Variants in RBM20 observed in about 807,000 individuals in gnomAD.
RBM20 encodes RNA-binding protein 20.
Under a neutral mutation model 110.1 loss-of-function variants are expected in RBM20, and 51 were observed. The ratio of observed to expected loss-of-function variants is 0.46; its 90% CI spans 0.37 to 0.59. The LOEUF is 0.59. RBM20 is among the 20% of genes least tolerant of loss of function. The pLI is 0.00. For missense variants in RBM20, 1,512 were observed against 1,574.9 expected (o/e 0.96, Z 0.68); for synonymous variants, 589 against 618.2 (o/e 0.95, Z 0.70).
At position 110,812,367 on chromosome 10, in the gene RBM20, C is replaced by G. The variant is rs922116966; in HGVS notation, c.1970C>G (p.Ser657Cys). ...ACTCCCAGCTTCACCTCCTGCAGCTCTTCCCACAGCCCTCCGGGCCCCTCC... is the reference window on the plus strand; with the variant it reads ...ACTCCCAGCTTCACCTCCTGCAGCTGTTCCCACAGCCCTCCGGGCCCCTCC... ...SHTPSFTSCS[S>C]SHSPPGPSRA... The change falls in exon 9 of 14, where the codon TCT becomes TGT. Residue 657 changes from serine (S) to cysteine (C), a missense_variant. Ser to Cys is a moderately radical substitution (Grantham distance 112). Around this residue, in one of 3 missense-constraint regions of RBM20, gnomAD observed 1,149 missense variants for 1,169.4 expected, o/e 0.98. Transcript: ENST00000369519. 24 of 1,551,574 alleles carry G rather than the reference C, an allele frequency of 1.5e-5. No individual in the cohort carries two copies. The highest frequency in any genetic ancestry group is 2.1e-5 in the Non-Finnish European group (24 of 1,147,020).
At chr10:110,786,071 C>T (rs770161875) in intron 5 of RBM20, among the ~76,000 whole-genome samples, 7 of 152,216 alleles carry the variant, frequency 4.6e-5, no homozygotes, top group South Asian at 2.1e-4. Flanking sequence ...TTTTCACCAA[C>T]GGTGACAGCT....
In RBM20 at chr10:110,838,283, GTAATTT is replaced by G. The variant is rs773051537; in HGVS notation, c.*2308_*2313del. On this transcript the variant is annotated 3_prime_UTR_variant, in exon 14 of 14. Transcript: ENST00000369519. ...CTAAGATCTTCAAAGTAAATTTGTTGTAATTTTATCTTTTGAGAAGACCATATGGGG... is the reference window on the plus strand; with the variant it reads ...CTAAGATCTTCAAAGTAAATTTGTTGTATCTTTTGAGAAGACCATATGGGG... 6.6e-6 allele frequency: 1 copy of G among 152,180 alleles called. No homozygotes were observed. The highest frequency in any genetic ancestry group is 1.5e-5 in the Non-Finnish European group (1 of 68,020). 9.4% of individuals were successfully genotyped at this position (152,180 alleles called of 1,614,324 possible).
At chr10:110,815,741 T>G (rs1407229254) in intron 9 of RBM20, among the ~76,000 whole-genome samples, 1 of 152,212 alleles carries the variant, frequency 6.6e-6, no homozygotes, top group East Asian at 1.9e-4. Context: ...ATAACATTGC[T>G]CATTTAAGGT....
intron 1 of RBM20, among the ~76,000 whole-genome samples, chr10:110,645,116 T>G (rs1861850342): frequency 6.6e-6 from 1 of 152,178 alleles, no homozygotes; most frequent in Admixed American, 6.5e-5. Flanking sequence ...GTAAACAACA[T>G]GTTTTACTTT....
In RBM20 at chr10:110,739,747, A is replaced by T. The variant is rs1843706401; in HGVS notation, c.192-41054A>T. On this transcript the variant is annotated intron_variant, in intron 1 of 13. Transcript: ENST00000369519. The surrounding 1 kb of genome is among the most constrained non-coding windows in gnomAD (Gnocchi z 4.1). The stretch of plus-strand genomic sequence containing the variant: ...ATGGGTATTAATAGTTCCCACCTGC[A>T]GGACTGAACTGTGGAAATGCACTGA... Among the ~76,000 whole-genome samples the T allele has an allele frequency of 6.6e-6, 1 of 152,216 alleles. No individual in the cohort carries two copies.
chr10:110,741,813 A>AC (rs546645957), intron 1 of RBM20, among the ~76,000 whole-genome samples: 39 of 149,096 alleles, frequency 2.6e-4, no homozygotes, highest in East Asian at 2.2e-3. Flanking sequence ...AGAGTACATG[A>AC]CCCCCCTCCC....
chr10:110,718,432 G>C (rs891633688), intron 1 of RBM20, among the ~76,000 whole-genome samples: 2 of 151,930 alleles, frequency 1.3e-5, no homozygotes, highest in Non-Finnish European at 2.9e-5. Context: ...AGCTGTTTGG[G>C]GTATAAACTT....
intron 1 of RBM20, among the ~76,000 whole-genome samples, chr10:110,756,990 A>G (rs1843930080): frequency 6.6e-6 from 1 of 152,216 alleles, no homozygotes; most frequent in Admixed American, 6.5e-5. Flanking sequence ...CTTTCAGGGA[A>G]AAACAACTTA....
intron 1 of RBM20, among the ~76,000 whole-genome samples, chr10:110,694,856 A>T (rs1209673825): frequency 1.3e-5 from 2 of 152,184 alleles, no homozygotes; most frequent in Non-Finnish European, 2.9e-5. Context: ...TGTTGAATTC[A>T]AAATTCAACA....
chr10:110,644,374 C>A lies in RBM20; in HGVS notation c.-81C>A, dbSNP rs1861834269. Reference sequence around the variant, plus strand: ...GGACAAGGGGACTGGGCACGGGGACCCCGGCCAGTGAGCGCCCGTGGCCCG... The same window carrying A: ...GGACAAGGGGACTGGGCACGGGGACACCGGCCAGTGAGCGCCCGTGGCCCG... On this transcript the variant is annotated 5_prime_UTR_variant, in exon 1 of 14. Transcript: ENST00000369519. The surrounding 1 kb of genome is among the most constrained non-coding windows in gnomAD (Gnocchi z 4.3). The A allele has an allele frequency of 4.2e-6, 5 of 1,203,228 alleles. No homozygotes were observed. Among genetic ancestry groups the A allele is most frequent in the African/African-American group, 1.6e-5 (1 of 62,386 alleles). The allele number at this position is 1,203,228 out of a possible 1,614,324, so 74.5% of individuals were successfully genotyped here. A position where few individuals can be genotyped will look rare whatever the true frequency, so the allele number is the denominator to read the frequency against.
At chr10:110,818,864 G>A (rs1844874972) in intron 9 of RBM20, among the ~76,000 whole-genome samples, 1 of 152,184 alleles carries the variant, frequency 6.6e-6, no homozygotes, top group East Asian at 1.9e-4. Context: ...TAGCTAAAAA[G>A]GTATTTGTAG....
In RBM20 at chr10:110,781,721, G is replaced by T. The variant is rs2135044522; in HGVS notation, c.1112G>T (p.Ser371Ile). The T allele has an allele frequency of 6.4e-7, 1 of 1,551,562 alleles. No homozygotes were observed. The highest frequency in any genetic ancestry group is 1.2e-5 in the South Asian group (1 of 84,036). Residue 371 changes from serine (S) to isoleucine (I), a missense_variant, in exon 2 of 14, where the codon AGC (serine) becomes ATC (isoleucine). By Grantham distance (142) the Ser-to-Ile change is moderately radical. Coordinates refer to ENST00000369519, the MANE Select transcript of RBM20 (RefSeq NM_001134363.3). ...PPSFGGRLNN[S>I]KQGFIGAGRR... The stretch of plus-strand genomic sequence containing the variant: ...TCCTTCGGGGGTCGGCTTAACAACA[G>T]CAAACAGGGTTTTATCGGTGCTGGG...
Position 110,837,928 on chromosome 10 carries a change from G to A in RBM20, c.*1950G>A, listed in dbSNP as rs1287009215. ...ATAGGAGGCTGTTGGTTTGGACTGAGCTCCTGCAATAGGCCCAACAGACCA... is the reference window on the plus strand; with the variant it reads ...ATAGGAGGCTGTTGGTTTGGACTGAACTCCTGCAATAGGCCCAACAGACCA... On this transcript the variant is annotated 3_prime_UTR_variant, in exon 14 of 14. Transcript: ENST00000369519. The A allele has an allele frequency of 6.6e-6, 1 of 152,182 alleles. No homozygotes were observed. Among genetic ancestry groups the A allele is most frequent in the Non-Finnish European group, 1.5e-5 (1 of 68,034 alleles). The allele number at this position is 152,182 out of a possible 1,614,324, so 9.4% of individuals were successfully genotyped here.
intron 1 of RBM20, among the ~76,000 whole-genome samples, chr10:110,719,076 T>G (rs1387229222): frequency 2.0e-5 from 3 of 152,258 alleles, no homozygotes; most frequent in Non-Finnish European, 4.4e-5. Flanking sequence ...GAGACATATC[T>G]GTAGGTAGAG....
chr10:110,680,684 G>C (rs1242580135), intron 1 of RBM20, among the ~76,000 whole-genome samples: 2 of 152,172 alleles, frequency 1.3e-5, no homozygotes. Context: ...GTGCACGCCT[G>C]GGGGAGGCTG....
chr10:110,795,688 G>C (rs982703202), intron 5 of RBM20, among the ~76,000 whole-genome samples: 1 of 152,160 alleles, frequency 6.6e-6, no homozygotes, highest in East Asian at 1.9e-4. Flanking sequence ...TATGCAAATG[G>C]AGACTATGCT....
At chr10:110,668,601 G>A (rs532424489) in intron 1 of RBM20, among the ~76,000 whole-genome samples, 3 of 117,402 alleles carry the variant, frequency 2.6e-5, no homozygotes, top group African/African-American at 8.3e-5. Flanking sequence ...GTGGAGGGAG[G>A]GAGAGGAAAA....
intron 1 of RBM20, among the ~76,000 whole-genome samples, chr10:110,729,085 A>G (rs1018323373): frequency 1.1e-4 from 17 of 152,238 alleles, no homozygotes; most frequent in African/African-American, 4.1e-4. Flanking sequence ...TGCTGCAACC[A>G]TGACAGCAAT....
At chr10:110,700,010 A>G (rs1222440940) in intron 1 of RBM20, among the ~76,000 whole-genome samples, 1 of 152,204 alleles carries the variant, frequency 6.6e-6, no homozygotes, top group Non-Finnish European at 1.5e-5. Flanking sequence ...ATGGCCCAAG[A>G]CTTCATCAGA....
Sources: allele counts gnomAD v4.1 joint callset (sites outside exome capture counted in the v4.1 genomes callset), GRCh38; gene constraint gnomAD v4.1.1; regional missense constraint gnomAD v4.1.1; non-coding constraint Gnocchi (gnomAD v3.1); transcripts MANE v1.5; gene names NCBI Gene and HGNC (gene_info 2026-07-23, HGNC 2026-07-21).